The following LAMA3 variants were observed in gnomAD, a reference collection of about 807,000 sequenced individuals.
The protein encoded by LAMA3 is laminin subunit alpha-3.
Under a neutral mutation model 402.0 loss-of-function variants are expected in LAMA3, and 281 were observed. The observed-to-expected ratio is 0.70, with a 90% CI of 0.63 to 0.77. The LOEUF (loss-of-function observed/expected upper bound fraction) is 0.77, where lower values mean the gene tolerates loss of function less well. Ranked by LOEUF, LAMA3 falls within the 30% of genes least tolerant of loss-of-function variation. LAMA3 has a pLI of 0.00. For missense variants in LAMA3, 3,840 were observed against 4,215.5 expected (o/e 0.91, Z 2.47); for synonymous variants, 1,431 against 1,558.4 (o/e 0.92, Z 1.93).
At chr18:23,904,262 G>T (rs565219496) in intron 50 of LAMA3, among the ~76,000 whole-genome samples, 175 bp downstream of exon 50, 18 of 152,202 alleles carry the variant, frequency 1.2e-4, no homozygotes, top group African/African-American at 3.9e-4. Context: ...AGCAATAAGG[G>T]CACTAATTCC....
chr18:23,849,454 A>T (rs9947906), intron 32 of LAMA3, among the ~76,000 whole-genome samples: 115 of 152,358 alleles, frequency 7.5e-4, no homozygotes, highest in African/African-American at 2.7e-3. Flanking sequence ...TTCAGGCAGG[A>T]AGAGAAGCAG....
chr18:23,896,449 T>C (rs1034830251), intron 44 of LAMA3, among the ~76,000 whole-genome samples: 3 of 152,260 alleles, frequency 2.0e-5, no homozygotes, highest in African/African-American at 7.2e-5. Context: ...TTTAACTCTT[T>C]CATGGTCAGA....
intron 54 of LAMA3, 69 bp from the exon 55 acceptor site, chr18:23,909,084 T>G: frequency 6.8e-7 from 1 of 1,461,566 alleles, no homozygotes; most frequent in South Asian, 1.1e-5. Flanking sequence ...ATACTGTCAG[T>G]AAGAACATTT....
Position 23,864,876 on chromosome 18 carries a change from A to C in LAMA3, c.4676A>C (p.Gln1559Pro). 6.2e-7 allele frequency: 1 copy of C among 1,608,916 alleles called. No individual in the cohort carries two copies. Among genetic ancestry groups the C allele is most frequent in the South Asian group, 1.1e-5 (1 of 90,970 alleles). The change falls in exon 36 of 75, where the codon CAG (glutamine) becomes CCG (proline). Residue 1559 changes from glutamine (Q) to proline (P), a missense_variant. Physicochemically the swap from Gln to Pro is moderately conservative, Grantham distance 76. This residue lies in a region of LAMA3 where 2,109 missense variants were observed against 2,376.0 expected (regional missense o/e 0.89). Transcript: ENST00000313654. ...MVLLEKKPDV[Q>P]LTGQHMSIIY... The stretch of plus-strand genomic sequence containing the variant: ...CTTCTGGAAAAGAAGCCGGATGTAC[A>C]GCTCACTGTAGGTATCAGAGCATGA...
At chr18:23,950,535 C>T (rs1229975033) in intron 72 of LAMA3, among the ~76,000 whole-genome samples, 2 of 152,172 alleles carry the variant, frequency 1.3e-5, no homozygotes, top group Non-Finnish European at 2.9e-5. Flanking sequence ...ATTCTTTCTT[C>T]ATCTCTGCAG....
chr18:23,950,086 G>A lies in LAMA3; in HGVS notation c.9569G>A (p.Ser3190Asn). 6.2e-7 allele frequency: 1 copy of A among 1,614,160 alleles called. No homozygotes were observed. The highest frequency in any genetic ancestry group is 2.2e-5 in the East Asian group (1 of 44,878). ...CTTGTTTTCAGCATCCGCCCAAGAA[G>A]TCTCACTGGGATCCTAATACACATC... The part of the protein sequence containing the change: ...FKLVFSIRPR[S>N]LTGILIHIGS... Residue 3190 changes from serine (S) to asparagine (N), a missense_variant, in exon 72 of 75, where the codon AGT becomes AAT. Transcript: ENST00000313654.
chr18:23,939,484 C>G (rs2082422997), intron 68 of LAMA3, 98 bp downstream of exon 68: 3 of 1,286,312 alleles, frequency 2.3e-6, no homozygotes, highest in Non-Finnish European at 2.2e-6. Context: ...GCAGCTCTCT[C>G]TAATGAAGGT....
intron 32 of LAMA3, among the ~76,000 whole-genome samples, chr18:23,854,571 G>C (rs1280385407): frequency 5.9e-5 from 9 of 151,826 alleles, no homozygotes; most frequent in Non-Finnish European, 1.3e-4. Flanking sequence ...AACCCGGGAG[G>C]CGGAGCTTGC....
intron 35 of LAMA3, among the ~76,000 whole-genome samples, chr18:23,862,706 C>T (rs2064252902): frequency 6.6e-6 from 1 of 152,202 alleles, no homozygotes; most frequent in Non-Finnish European, 1.5e-5. Flanking sequence ...TACTCCAACA[C>T]TTCGCAGCTT....
At chr18:23,794,507 TCA>T (rs1281525051) in intron 12 of LAMA3, among the ~76,000 whole-genome samples, 2 of 152,108 alleles carry the variant, frequency 1.3e-5, no homozygotes, top group Non-Finnish European at 2.9e-5. Flanking sequence ...CTCCTACCAC[TCA>T]CCTCTCCACC....
At chr18:23,806,021 G>A (rs577169433) in intron 12 of LAMA3, among the ~76,000 whole-genome samples, 4 of 152,274 alleles carry the variant, frequency 2.6e-5, no homozygotes, top group Non-Finnish European at 5.9e-5. Flanking sequence ...CTTCTACAAA[G>A]CAAGTCAGAA....
chr18:23,708,926 TAA>T (rs34486071), intron 1 of LAMA3, among the ~76,000 whole-genome samples: 31 of 141,180 alleles, frequency 2.2e-4, no homozygotes, highest in African/African-American at 6.3e-4. Context: ...CCTGGCTAAT[TAA>T]AAAAAAAAAA....
intron 12 of LAMA3, 123 bp from the exon 13 acceptor site, chr18:23,810,243 G>T: frequency 8.8e-7 from 1 of 1,142,494 alleles, no homozygotes; most frequent in South Asian, 1.3e-5. Context: ...CTCATAAGAA[G>T]TGGAGCTGGA....
intron 46 of LAMA3, 91 bp downstream of exon 46, chr18:23,899,156 A>G: frequency 1.6e-6 from 2 of 1,287,218 alleles, no homozygotes; most frequent in Non-Finnish European, 1.1e-6. Context: ...TTTCAACATT[A>G]TGAAAAGAAT....
intron 48 of LAMA3, among the ~76,000 whole-genome samples, chr18:23,902,629 G>A (rs573301301): frequency 2.6e-5 from 4 of 152,252 alleles, no homozygotes; most frequent in East Asian, 1.9e-4. Flanking sequence ...GTGACCTCTC[G>A]GTCAAGTGCC....
intron 32 of LAMA3, among the ~76,000 whole-genome samples, chr18:23,856,761 T>C (rs916037067): frequency 6.6e-6 from 1 of 151,972 alleles, no homozygotes; most frequent in Admixed American, 6.5e-5. Flanking sequence ...AGCAGGGAAA[T>C]TGGGAGTCTT....
Position 23,815,540 on chromosome 18 carries a change from G to T in LAMA3, c.2014G>T (p.Ala672Ser). The T allele has an allele frequency of 1.2e-6, 2 of 1,614,176 alleles. No homozygotes were observed. Among genetic ancestry groups the T allele is most frequent in the South Asian group, 1.1e-5 (1 of 91,078 alleles). The change falls in exon 17 of 75, where the codon GCT becomes TCT. Residue 672 changes from alanine to serine, a missense_variant. By Grantham distance (99) the Ala-to-Ser change is moderately conservative. Around this residue, in one of 3 missense-constraint regions of LAMA3, gnomAD observed 2,109 missense variants for 2,376.0 expected, o/e 0.89. Transcript: ENST00000313654. ...CGACACCTGTGAAGATGGATATTTT[G>T]CTTTGGAAAAGAGCAATTACTTTGG... ...SCDTCEDGYF[A>S]LEKSNYFGCQ...
At chr18:23,734,557 G>T (rs1342843461) in intron 2 of LAMA3, among the ~76,000 whole-genome samples, 5 of 152,076 alleles carry the variant, frequency 3.3e-5, no homozygotes, top group Admixed American at 2.0e-4. Flanking sequence ...ACTATCCTCA[G>T]TTCCTCAGTT....
rs115443579 is a variant in LAMA3, at chr18:23,777,134, T to C, written c.1406-423T>C. ...GGATTACAGGCATGAGCCACTGCGC[T>C]CGGCCTGCCTTTTTAGTGAAAAGAA... On this transcript the variant is annotated intron_variant, in intron 10 of 74. Transcript: ENST00000313654. Among the ~76,000 whole-genome samples the C allele has an allele frequency of 3.7e-3, 563 of 152,176 alleles. 3 individuals carry two copies. Among genetic ancestry groups the C allele is most frequent in the African/African-American group, 0.013 (534 of 41,538 alleles).
Sources: gnomAD v4.1 joint callset for allele counts (sites outside exome capture counted in the v4.1 genomes callset) on GRCh38, gnomAD v4.1.1 for gene constraint, gnomAD v4.1.1 regional missense constraint, MANE v1.5 for transcripts, NCBI Gene and HGNC (gene_info 2026-07-23, HGNC 2026-07-21) for gene names.